GLI2: variants seen among roughly 807,000 people sequenced by gnomAD.
GLI2 encodes GLI family zinc finger 2.
In GLI2, 22 loss-of-function variants were observed where a neutral mutation model predicts 78.9. The observed-to-expected ratio is 0.28, with a 90% confidence interval of 0.20 to 0.40. The LOEUF (loss-of-function observed/expected upper bound fraction) is 0.40. Ranked by LOEUF, GLI2 falls within the 10% of genes least tolerant of loss-of-function variation. The pLI is 1.00. For synonymous variants in GLI2, 974 were observed against 963.7 expected (o/e 1.01, Z -0.20); for missense variants, 2,097 against 2,213.2 (o/e 0.95, Z 1.05).
chr2:120,742,019 C>T (rs1682561601), intron 1 of GLI2, among the ~76,000 whole-genome samples: 1 of 152,246 alleles, frequency 6.6e-6, no homozygotes, highest in Non-Finnish European at 1.5e-5. Flanking sequence ...ATTGGCCTGC[C>T]CTCTTGCCCG....
intron 2 of GLI2, among the ~76,000 whole-genome samples, chr2:120,809,348 C>T (rs1395241904): frequency 6.6e-6 from 1 of 152,082 alleles, no homozygotes; most frequent in Non-Finnish European, 1.5e-5. Context: ...TGAGGAGGTG[C>T]CAGGGGCTGG....
At position 120,866,436 on chromosome 2, in the gene GLI2, A is replaced by G. The variant is rs916704268; in HGVS notation, c.149-60925A>G. The G allele has an allele frequency of 2.0e-5, 3 of 152,256 alleles. No homozygotes were observed. In the South Asian group the frequency reaches 6.2e-4, roughly 32 times the overall value. 9.4% of individuals were successfully genotyped at this position (152,256 alleles called of 1,614,324 possible). A position where few individuals can be genotyped will look rare whatever the true frequency, so the allele number is the denominator to read the frequency against. On this transcript the variant is annotated intron_variant, in intron 2 of 13. Coordinates refer to ENST00000361492, the MANE Select transcript of GLI2 (RefSeq NM_001374353.1). The stretch of plus-strand genomic sequence containing the variant: ...GTACTTAATGGTAATCCCATTGCTT[A>G]AGGTAAGATCTCCCTTTTGGGGACA...
rs1573545316 is a variant in GLI2 at position 120,741,817 on chromosome 2, G to A, written c.-31+5532G>A. On this transcript the variant is annotated intron_variant, in intron 1 of 13. Coordinates refer to ENST00000361492, the MANE Select transcript of GLI2 (RefSeq NM_001374353.1). The stretch of plus-strand genomic sequence containing the variant: ...GCCTGGTTTGCAGCTCCCAAACAAT[G>A]GCCACATTGTCGCAGCCGCACACCG... Among the ~76,000 whole-genome samples the A allele has an allele frequency of 2.6e-5, 4 of 152,190 alleles. No individual in the cohort carries two copies. In the South Asian group the frequency reaches 8.3e-4, roughly 32 times the overall value.
chr2:120,912,059 A>C (rs1678849834), intron 2 of GLI2, among the ~76,000 whole-genome samples: 1 of 152,114 alleles, frequency 6.6e-6, no homozygotes, highest in Non-Finnish European at 1.5e-5. Context: ...TGGACCCACA[A>C]AGCAGGGCCT....
chr2:120,794,199 T>TGGA (rs1434771446), intron 1 of GLI2, among the ~76,000 whole-genome samples: 1 of 152,140 alleles, frequency 6.6e-6, no homozygotes, highest in Non-Finnish European at 1.5e-5. Flanking sequence ...TGGGGCTTCC[T>TGGA]GGAGGAGGTG....
chr2:120,983,936 T>TGTGTGG (rs1296398142), intron 11 of GLI2, among the ~76,000 whole-genome samples: 47 of 89,630 alleles, frequency 5.2e-4, no homozygotes, highest in African/African-American at 1.8e-3. Context: ...TCTGTAGACG[T>TGTGTGG]GGTGTGTGGG....
At chr2:120,836,322 A>C (rs1196347470) in intron 2 of GLI2, among the ~76,000 whole-genome samples, 1 of 152,156 alleles carries the variant, frequency 6.6e-6, no homozygotes, top group East Asian at 1.9e-4. Context: ...ATGTTATCTT[A>C]TTATGTGTGT....
intron 2 of GLI2, among the ~76,000 whole-genome samples, chr2:120,816,436 C>T (rs896619842): frequency 2.0e-5 from 3 of 151,998 alleles, no homozygotes; most frequent in African/African-American, 4.8e-5. Context: ...CTCAAGTGAT[C>T]GGCCCATCTA....
chr2:120,803,779 G>A (rs1247132316), intron 2 of GLI2, among the ~76,000 whole-genome samples: 1 of 152,242 alleles, frequency 6.6e-6, no homozygotes, highest in South Asian at 2.1e-4. Context: ...CAGGGTCCAG[G>A]GCAGCCCCTG....
chr2:120,968,763 G>A lies in GLI2; in HGVS notation c.693G>A (p.Arg231=). Residue 231 remains arginine (R), a synonymous_variant, in exon 6 of 14, where the codon CGG becomes CGA. Transcript: ENST00000361492. ...TGACGCCCCGCCTGAGCCGCAAGCG[G>A]GCGCTGTCCATCTCCCCACTCTCAG... ...PRVTPRLSRK[R]ALSISPLSDA... is the part of the protein sequence containing the mutation. The A allele has an allele frequency of 2.5e-6, 4 of 1,613,680 alleles. No homozygotes were observed. Among genetic ancestry groups the A allele is most frequent in the Non-Finnish European group, 3.4e-6 (4 of 1,179,976 alleles).
intron 2 of GLI2, among the ~76,000 whole-genome samples, chr2:120,881,820 T>G (rs1164483756): frequency 0.015 from 45 of 2,912 alleles, no homozygotes; most frequent in Admixed American, 0.054. Context: ...AGAACAGTCG[T>G]GGGGACAGTA....
intron 2 of GLI2, among the ~76,000 whole-genome samples, chr2:120,875,814 G>A (rs763390635): frequency 6.6e-6 from 1 of 151,982 alleles, no homozygotes; most frequent in Non-Finnish European, 1.5e-5. Flanking sequence ...GGATGAGGTG[G>A]GGGGGCTGGC....
At chr2:120,918,415 A>G (rs1270957397) in intron 2 of GLI2, among the ~76,000 whole-genome samples, 1 of 144,978 alleles carries the variant, frequency 6.9e-6, no homozygotes, top group African/African-American at 2.6e-5. Flanking sequence ...AGGGGTTTCT[A>G]CTCTATGGAC....
intron 3 of GLI2, among the ~76,000 whole-genome samples, chr2:120,932,050 G>T (rs1679969130): frequency 6.6e-6 from 1 of 152,314 alleles, no homozygotes; most frequent in Admixed American, 6.5e-5. Context: ...TCCGCCCCCA[G>T]TGTCCCAGGT....
chr2:120,924,744 G>C (rs1048691647), intron 2 of GLI2, among the ~76,000 whole-genome samples: 3 of 152,144 alleles, frequency 2.0e-5, no homozygotes, highest in African/African-American at 7.2e-5. Flanking sequence ...ACCCTCCCTA[G>C]GGTTTGCAAC....
At chr2:120,974,852 T>C (rs1682373496) in intron 8 of GLI2, 123 bp from the exon 9 acceptor site, 1 of 1,335,188 alleles carries the variant, frequency 7.5e-7, no homozygotes, top group Non-Finnish European at 1.1e-6. Context: ...ACACACACAC[T>C]TGCATCCACA....
chr2:120,938,362 GT>G (rs560921368), intron 3 of GLI2, among the ~76,000 whole-genome samples: 145 of 152,294 alleles, frequency 9.5e-4, no homozygotes, highest in Non-Finnish European at 1.5e-3. Flanking sequence ...TGGGTTTTCT[GT>G]TTGCAAAAAC....
At chr2:120,755,906 G>A (rs2104638611) in intron 1 of GLI2, among the ~76,000 whole-genome samples, 1 of 152,208 alleles carries the variant, frequency 6.6e-6, no homozygotes, top group African/African-American at 2.4e-5. Flanking sequence ...GGCCTATTCT[G>A]GACTTTCTGT....
intron 2 of GLI2, among the ~76,000 whole-genome samples, chr2:120,823,146 G>A (rs17318173): frequency 0.023 from 3,458 of 152,286 alleles, 47 homozygotes; most frequent in Non-Finnish European, 0.037. Context: ...GCCGCACACC[G>A]TCTTTGGTAT....
Sources: allele counts gnomAD v4.1 joint callset (sites outside exome capture counted in the v4.1 genomes callset), GRCh38; gene constraint gnomAD v4.1.1; transcripts MANE v1.5; gene names NCBI Gene and HGNC (gene_info 2026-07-23, HGNC 2026-07-21).